DSCAM: variants seen among roughly 807,000 people sequenced by gnomAD.
DSCAM encodes DS cell adhesion molecule.
Under a neutral mutation model 217.7 loss-of-function variants are expected in DSCAM, and 47 were observed. That is an observed-to-expected ratio of 0.22 (90% CI 0.17 to 0.28). The LOEUF is 0.28. Ranked by LOEUF, DSCAM falls within the 10% of genes least tolerant of loss-of-function variation. DSCAM has a pLI of 1.00. For synonymous variants in DSCAM, 1,056 were observed against 1,015.3 expected, an observed-to-expected ratio of 1.04 and a Z score of -0.76; for missense variants, 2,080 against 2,618.3, an observed-to-expected ratio of 0.79 and a Z score of 4.49.
chr21:40,602,907 A>AGGT (rs926546103), intron 3 of DSCAM, among the ~76,000 whole-genome samples: 33 of 151,880 alleles, frequency 2.2e-4, no homozygotes, highest in African/African-American at 8.0e-4. Flanking sequence ...CAGTTTTCTA[A>AGGT]GGTGGAAGCT....
intron 1 of DSCAM, among the ~76,000 whole-genome samples, chr21:40,784,673 C>A (rs1368682662): frequency 1.3e-5 from 2 of 152,052 alleles, no homozygotes; most frequent in East Asian, 3.9e-4. Context: ...TCATGGAAGC[C>A]CTCAGGAATG....
intron 2 of DSCAM, among the ~76,000 whole-genome samples, chr21:40,695,246 G>T (rs2090583455): frequency 6.6e-6 from 1 of 152,100 alleles, no homozygotes; most frequent in Admixed American, 6.6e-5. Flanking sequence ...CACGGGAAAT[G>T]CCTTCCCACC....
chr21:40,405,817 C>T (rs147316861), intron 3 of DSCAM, among the ~76,000 whole-genome samples: 5,123 of 152,030 alleles, frequency 0.034, 191 homozygotes, highest in East Asian at 0.19. Flanking sequence ...GCTAACACAG[C>T]GAAACCCCGT....
At chr21:40,700,036 TAAGGG>T (rs2090638818) in intron 2 of DSCAM, among the ~76,000 whole-genome samples, 1 of 152,220 alleles carries the variant, frequency 6.6e-6, no homozygotes, top group Admixed American at 6.5e-5. Flanking sequence ...TGATTCTTGT[TAAGGG>T]TTAATGCAGC....
intron 3 of DSCAM, among the ~76,000 whole-genome samples, chr21:40,673,293 C>T (rs995034824): frequency 6.6e-6 from 1 of 152,078 alleles, no homozygotes; most frequent in African/African-American, 2.4e-5. Flanking sequence ...ATGATGCCCC[C>T]CCCAAAATAC....
At chr21:40,315,499 A>AAT (rs370355234) in intron 8 of DSCAM, among the ~76,000 whole-genome samples, 287 of 152,304 alleles carry the variant, frequency 1.9e-3, no homozygotes, top group Non-Finnish European at 3.3e-3. Context: ...GAATACAGGA[A>AAT]ATATATGCAC....
intron 4 of DSCAM, among the ~76,000 whole-genome samples, chr21:40,368,892 A>G (rs1384392189): frequency 6.6e-6 from 1 of 152,228 alleles, no homozygotes; most frequent in Non-Finnish European, 1.5e-5. Flanking sequence ...GAATGTGTCA[A>G]TTACTGGTTT....
At chr21:40,066,313 G>C (rs886545835) in intron 27 of DSCAM, among the ~76,000 whole-genome samples, 4 of 152,212 alleles carry the variant, frequency 2.6e-5, no homozygotes, top group Admixed American at 6.5e-5. Flanking sequence ...GAAATTCCTT[G>C]ATGTAATTTT....
At chr21:40,776,298 T>C (rs1381683359) in intron 1 of DSCAM, among the ~76,000 whole-genome samples, 1 of 152,164 alleles carries the variant, frequency 6.6e-6, no homozygotes, top group Admixed American at 6.5e-5. Flanking sequence ...CTTTGCAAAT[T>C]TTGACTTTCT....
intron 20 of DSCAM, among the ~76,000 whole-genome samples, chr21:40,119,503 T>TA (rs2090008666): frequency 6.6e-6 from 1 of 151,968 alleles, no homozygotes; most frequent in Admixed American, 6.6e-5. Context: ...AGGATAGAGA[T>TA]AAAAAATGCG....
intron 11 of DSCAM, among the ~76,000 whole-genome samples, chr21:40,220,393 A>G (rs2091279899): frequency 6.6e-6 from 1 of 152,238 alleles, no homozygotes; most frequent in Non-Finnish European, 1.5e-5. Flanking sequence ...GGACTGTACA[A>G]CAAAATATTC....
rs138681751 is a variant in DSCAM, at chr21:40,235,580, GA to G, written c.2356+40516del. 6.3e-3 allele frequency among the ~76,000 whole-genome samples: 962 copies of G among 152,200 alleles called. 13 individuals carry two copies. The highest frequency in any genetic ancestry group is 0.022 in the African/African-American group (926 of 41,534). On this transcript the variant is annotated intron_variant, in intron 11 of 32. Transcript: ENST00000400454. Reference sequence around the variant, plus strand: ...GTTCTCAAGGACCATTCGGAAGAAAGAAAATGGCACCACACCCATGAGGGCC... The same window carrying G: ...GTTCTCAAGGACCATTCGGAAGAAAGAAATGGCACCACACCCATGAGGGCC...
intron 3 of DSCAM, among the ~76,000 whole-genome samples, chr21:40,374,805 A>G (rs1188027377): frequency 6.6e-6 from 1 of 152,174 alleles, no homozygotes; most frequent in Admixed American, 6.5e-5. Context: ...GCTGTCTGCA[A>G]TCCAGGAAGG....
At chr21:40,214,735 C>CAAAAAAAAAAAAAAAAAAAAAAA (rs1209648217) in intron 11 of DSCAM, among the ~76,000 whole-genome samples, 4 of 67,862 alleles carry the variant, frequency 5.9e-5, no homozygotes, top group East Asian at 4.8e-4. Flanking sequence ...GCAACAACAG[C>CAAAAAAAAAAAAAAAAAAAAAAA]AAAAAAAAAA....
At chr21:40,621,873 AAAAG>A (rs1232388325) in intron 3 of DSCAM, among the ~76,000 whole-genome samples, 5 of 133,964 alleles carry the variant, frequency 3.7e-5, no homozygotes, top group Admixed American at 1.6e-4. Context: ...GAGGTCATGG[AAAAG>A]AAAGAAAGAA....
chr21:40,404,269 A>T (rs2075262684), intron 3 of DSCAM, among the ~76,000 whole-genome samples: 1 of 152,240 alleles, frequency 6.6e-6, no homozygotes, highest in South Asian at 2.1e-4. Context: ...GGAAATGTAC[A>T]TAAATAGCAA....
rs984274834 is a variant in DSCAM at position 40,233,178 on chromosome 21, G to GT, written c.2356+42918dup. ...TGCACATGTACTCCCGAACCTAAAA[G>GT]TTTTTTTTAAAATCCCTTAAGAGTA... On this transcript the variant is annotated intron_variant, in intron 11 of 32. Coordinates refer to ENST00000400454, the MANE Select transcript of DSCAM (RefSeq NM_001389.5). 1.1e-3 allele frequency among the ~76,000 whole-genome samples: 164 copies of GT among 151,824 alleles called. 1 individual carries two copies. Among genetic ancestry groups the GT allele is most frequent in the African/African-American group, 3.8e-3 (159 of 41,426 alleles).
At chr21:40,710,177 T>A (rs2090763826) in intron 1 of DSCAM, among the ~76,000 whole-genome samples, 1 of 145,504 alleles carries the variant, frequency 6.9e-6, no homozygotes, top group South Asian at 2.1e-4. Context: ...CACTTTTTGA[T>A]GGGGTTTTTT....
At chr21:40,380,927 G>A (rs2075014450) in intron 3 of DSCAM, among the ~76,000 whole-genome samples, 1 of 151,920 alleles carries the variant, frequency 6.6e-6, no homozygotes, top group Non-Finnish European at 1.5e-5. Flanking sequence ...GCCGGGCGTG[G>A]TGGCGGGCGC....
Sources: allele counts gnomAD v4.1 joint callset (sites outside exome capture counted in the v4.1 genomes callset), GRCh38; gene constraint gnomAD v4.1.1; transcripts MANE v1.5; gene names NCBI Gene and HGNC (gene_info 2026-07-23, HGNC 2026-07-21).